The following PGAP6 variants were observed in gnomAD, a reference collection of about 807,000 sequenced individuals.
PGAP6 encodes post-GPI attachment to proteins 6, also known as post-GPI attachment to proteins factor 6.
A neutral mutation model predicts 68.4 loss-of-function variants in PGAP6; 62 were observed. The ratio of observed to expected loss-of-function variants is 0.91; its 90% CI spans 0.74 to 1.12. The LOEUF (loss-of-function observed/expected upper bound fraction) is 1.12, where lower values mean the gene tolerates loss of function less well. PGAP6 is among the 50% of genes most tolerant of loss of function. The pLI is 0.00. For synonymous variants in PGAP6, 575 were observed against 474.0 expected (o/e 1.21, Z -2.77); for missense variants, 1,188 against 1,068.5 (o/e 1.11, Z -1.56).
In PGAP6 at chr16:376,116, C is replaced by T. The variant is rs369935409; in HGVS notation, c.1224+20G>A. On this transcript the variant is annotated intron_variant, in intron 6 of 12. Coordinates refer to ENST00000431232, the MANE Select transcript of PGAP6 (RefSeq NM_021259.3). ...CCCTGCCCGAGCCCAGGCCACAGGCCGCTTGCAGACAGCAGGTACCTTGTT... is the reference window on the plus strand; with the variant it reads ...CCCTGCCCGAGCCCAGGCCACAGGCTGCTTGCAGACAGCAGGTACCTTGTT... 1.7e-5 allele frequency: 27 copies of T among 1,581,170 alleles called. 1 individual carries two copies. The highest frequency in any genetic ancestry group is 1.1e-4 in the African/African-American group (8 of 74,456).
intron 1 of PGAP6, among the ~76,000 whole-genome samples, chr16:378,225 GACTGCCATCGCCACCCGC>G (rs1567325698): frequency 2.2e-4 from 3 of 13,764 alleles, no homozygotes; most frequent in African/African-American, 2.0e-4. Flanking sequence ...TCGCCACCCT[GACTGCCATCGCCACCCGC>G]ACTGCCATCC....
At chr16:376,004 CCT>C (rs68048435) in intron 6 of PGAP6, 130 bp downstream of exon 6, 431,585 of 952,100 alleles carry the variant, frequency 0.45, 99,399 homozygotes, top group South Asian at 0.63. Context: ...AACATGGGCC[CCT>C]GTCTTGGCCC....
Position 376,270 on chromosome 16 carries a change from C to G in PGAP6, c.1090G>C (p.Val364Leu). 9 of 1,612,864 alleles carry G rather than the reference C, an allele frequency of 5.6e-6. No homozygotes were observed. Among genetic ancestry groups the G allele is most frequent in the Non-Finnish European group, 7.6e-6 (9 of 1,179,994 alleles). ...YPVTREDMDV[V>L]SVHFQPLDRV... is the part of the protein sequence containing the mutation. ...TCCAGGGGCTGGAAGTGCACCGACA[C>G]CACGTCCATGTCCTCCCGCGTGACT... The change falls in exon 6 of 13, where the codon GTG becomes CTG. Residue 364 changes from valine to leucine, a missense_variant. Val to Leu is a conservative substitution (Grantham distance 32, BLOSUM62 1). Transcript: ENST00000431232.
Position 376,621 on chromosome 16 carries a change from C to T in PGAP6, c.827G>A (p.Arg276Gln), listed in dbSNP as rs375392409. Residue 276 changes from arginine (R) to glutamine (Q), a missense_variant, in exon 5 of 13, where the codon CGG becomes CAG. Transcript: ENST00000431232. ...GCTCTCAGCTGTCACTTGCAGCCAC[C>T]GGTCCCAGGGCGGTGAGGGCAGCAG... ...RLLLPSPPWD[R>Q]WLQVTAESLV... 23 of 1,597,272 alleles carry T rather than the reference C, an allele frequency of 1.4e-5. No homozygotes were observed. Among genetic ancestry groups the T allele is most frequent in the Admixed American group, 3.4e-5 (2 of 58,360 alleles).
chr16:374,935 C>A, intron 8 of PGAP6, 43 bp from the exon 9 acceptor site: 4 of 1,610,612 alleles, frequency 2.5e-6, no homozygotes, highest in Non-Finnish European at 3.4e-6. Flanking sequence ...AGTGATCTGA[C>A]AGCCCAGCTG....
chr16:385,283 A>C (rs895714400), upstream of PGAP6, among the ~76,000 whole-genome samples: 31 of 151,866 alleles, frequency 2.0e-4, no homozygotes, highest in African/African-American at 7.5e-4. Context: ...GGCAATGGGT[A>C]AATAAATCAT....
chr16:375,106 C>A, intron 8 of PGAP6, 27 bp downstream of exon 8: 1 of 1,610,612 alleles, frequency 6.2e-7, no homozygotes, highest in Non-Finnish European at 8.5e-7. Context: ...GGTGCCTGGC[C>A]CCCGTCTCTG....
chr16:372,554 GC>G, intron 12 of PGAP6, 56 bp downstream of exon 12: 2 of 1,369,882 alleles, frequency 1.5e-6, no homozygotes, highest in Non-Finnish European at 2.1e-6. Context: ...AGAGCAAGGG[GC>G]CAGGCTCTCT....
intron 11 of PGAP6, 113 bp from the exon 12 acceptor site, chr16:372,840 G>T: frequency 1.4e-6 from 1 of 718,400 alleles, no homozygotes; most frequent in Non-Finnish European, 2.3e-6. Context: ...CGGAGCTGCT[G>T]CCACCCTCAG....
chr16:372,247 T>C lies in PGAP6; in HGVS notation c.2056A>G (p.Thr686Ala). The C allele has an allele frequency of 6.2e-7, 1 of 1,611,612 alleles. No homozygotes were observed. ...RCGHRRQCYP[T>A]SWQRWAFYLL... ...TAGAAGGCCCAGCGCTGCCACGAGGTGGGGTAGCACTGGCGCCGGTGCCCG... is the reference window on the plus strand; with the variant it reads ...TAGAAGGCCCAGCGCTGCCACGAGGCGGGGTAGCACTGGCGCCGGTGCCCG... The change falls in exon 13 of 13, where the codon ACC becomes GCC. Residue 686 changes from threonine (T) to alanine (A), a missense_variant. Transcript: ENST00000431232.
rs771858119 is a variant in PGAP6, at chr16:377,664, C to T, written c.299+7G>A. 2 of 1,577,050 alleles carry T rather than the reference C, an allele frequency of 1.3e-6. No homozygotes were observed. Among genetic ancestry groups the T allele is most frequent in the Admixed American group, 3.7e-5 (2 of 54,264 alleles). On this transcript the variant is annotated splice_region_variant and intron_variant, in intron 2 of 12. Transcript: ENST00000431232. ...GAGGGTGGGCAGGCGGGCGGGCAGC[C>T]ACCTACACGGTGATCTCCGCGTCGG... is the stretch of plus-strand genomic sequence containing the variant.
At chr16:386,821 A>C, upstream of PGAP6, 1 of 678,886 alleles carries the variant, frequency 1.5e-6, no homozygotes, top group Non-Finnish European at 2.6e-6. Context: ...GCCAAAGCGA[A>C]GGCTTTAAAG....
chr16:385,934 A>G (rs538647009), upstream of PGAP6, among the ~76,000 whole-genome samples: 1 of 152,212 alleles, frequency 6.6e-6, no homozygotes, highest in Admixed American at 6.5e-5. Flanking sequence ...TACTCTGAAT[A>G]TTTATGCAAC....
At chr16:383,778 G>A (rs1395990561), upstream of PGAP6, among the ~76,000 whole-genome samples, 1 of 152,232 alleles carries the variant, frequency 6.6e-6, no homozygotes, top group Non-Finnish European at 1.5e-5. Context: ...GAGGCGGGGT[G>A]GGGATGGGGA....
intron 1 of PGAP6, among the ~76,000 whole-genome samples, chr16:380,105 A>G (rs1274547546): frequency 6.6e-6 from 1 of 152,050 alleles, no homozygotes; most frequent in Non-Finnish European, 1.5e-5. Context: ...TGAGGGGCTG[A>G]GCCAGCACAC....
Position 374,260 on chromosome 16 carries a change from C to T in PGAP6, c.1716G>A (p.Val572=). The T allele has an allele frequency of 1.9e-6, 3 of 1,608,126 alleles. No individual in the cohort carries two copies. Among genetic ancestry groups the T allele is most frequent in the Non-Finnish European group, 2.5e-6 (3 of 1,179,298 alleles). ...TGGTGTAGGCGTAGACGGAGGCCTCCACCAGGAAGAATCGCCGCACTGAGA... is the reference window on the plus strand; with the variant it reads ...TGGTGTAGGCGTAGACGGAGGCCTCTACCAGGAAGAATCGCCGCACTGAGA... The part of the protein sequence containing the change: ...IAVSVRRFFL[V]EASVYAYTMF... The change falls in exon 10 of 13, where the codon GTG becomes GTA. Residue 572 remains valine, a synonymous_variant. Transcript: ENST00000431232.
intron 1 of PGAP6, among the ~76,000 whole-genome samples, chr16:379,457 G>A (rs2054420523): frequency 6.6e-6 from 1 of 152,270 alleles, no homozygotes; most frequent in South Asian, 2.1e-4. Context: ...CTGGCCACCA[G>A]GTCCCACCCA....
chr16:376,942 C>T, intron 4 of PGAP6, 95 bp downstream of exon 4: 1 of 1,568,376 alleles, frequency 6.4e-7, no homozygotes, highest in Non-Finnish European at 8.6e-7. Context: ...CCCAGCCCAA[C>T]CCCAGGACTC....
In PGAP6 at chr16:371,899, T is replaced by A; in HGVS notation, c.*88A>T. 7.0e-7 allele frequency: 1 copy of A among 1,420,568 alleles called. No individual in the cohort carries two copies. Among genetic ancestry groups the A allele is most frequent in the East Asian group, 2.3e-5 (1 of 43,564 alleles). The allele number at this position is 1,420,568 out of a possible 1,614,324, so 88.0% of individuals were successfully genotyped here. A position where few individuals can be genotyped will look rare whatever the true frequency, so the allele number is the denominator to read the frequency against. On this transcript the variant is annotated 3_prime_UTR_variant, in exon 13 of 13. Transcript: ENST00000431232. Reference sequence around the variant, plus strand: ...GCCAATTTATTCAGCTGGAAATCAATCTGTCCAGGGCTGGACCAGGCGCCT... The same window carrying A: ...GCCAATTTATTCAGCTGGAAATCAAACTGTCCAGGGCTGGACCAGGCGCCT...
Sources: allele counts gnomAD v4.1 joint callset (sites outside exome capture counted in the v4.1 genomes callset), GRCh38; gene constraint gnomAD v4.1.1; transcripts MANE v1.5; gene names NCBI Gene and HGNC (gene_info 2026-07-23, HGNC 2026-07-21).